PLCL2: variants seen among roughly 807,000 people sequenced by gnomAD.
The protein encoded by PLCL2 is phospholipase C like 2, also known as inactive phospholipase C-like protein 2.
PLCL2 carries 4 observed loss-of-function variants against 79.6 expected under a neutral mutation model. That is an observed-to-expected ratio of 0.05 (90% CI 0.02 to 0.11). The LOEUF is 0.11. PLCL2 is among the 10% of genes least tolerant of loss of function. PLCL2 has a pLI of 1.00. For missense variants in PLCL2, 895 were observed against 1,291.0 expected (o/e 0.69, Z 4.70); for synonymous variants, 484 against 457.7 (o/e 1.06, Z -0.73).
intron 1 of PLCL2, among the ~76,000 whole-genome samples, chr3:16,994,066 A>G (rs2064129067): frequency 6.6e-6 from 1 of 152,246 alleles, no homozygotes; most frequent in African/African-American, 2.4e-5. Context: ...GATTCATTGA[A>G]GCAGTTAAAT....
At chr3:17,060,540 G>T (rs972447275) in intron 4 of PLCL2, among the ~76,000 whole-genome samples, 1 of 152,156 alleles carries the variant, frequency 6.6e-6, no homozygotes, top group Non-Finnish European at 1.5e-5. Flanking sequence ...CAGGTAGGCC[G>T]CACACCCAAA....
chr3:17,024,181 G>C (rs2064486211), intron 3 of PLCL2, among the ~76,000 whole-genome samples: 1 of 152,156 alleles, frequency 6.6e-6, no homozygotes. Context: ...AAATTGCTCT[G>C]TTACCTTGAC....
At chr3:17,015,462 A>G (rs1393512170) in intron 3 of PLCL2, among the ~76,000 whole-genome samples, 1 of 152,196 alleles carries the variant, frequency 6.6e-6, no homozygotes, top group African/African-American at 2.4e-5. Context: ...ACATTTTTCT[A>G]CTTAAGATTT....
rs1256806816 is a variant in PLCL2 at position 17,009,323 on chromosome 3, T to C, written c.328-351T>C. ...TTTTTGTAGAGATGGGATCTCACTG[T>C]ATTACCCAGGTTGGTCTCAAACTCC... On this transcript the variant is annotated intron_variant, in intron 1 of 5. Coordinates refer to ENST00000615277, the MANE Select transcript of PLCL2 (RefSeq NM_001144382.2). The surrounding 1 kb of genome is among the most constrained non-coding windows in gnomAD (Gnocchi z 4.0). Among the ~76,000 whole-genome samples, 3 of 152,076 alleles carry C rather than the reference T, an allele frequency of 2.0e-5. No homozygotes were observed. The highest frequency in any genetic ancestry group is 4.8e-5 in the African/African-American group (2 of 41,400).
intron 4 of PLCL2, chr3:17,043,978 C>T (rs2064755499): frequency 6.6e-6 from 1 of 152,176 alleles, no homozygotes; most frequent in South Asian, 2.1e-4. Flanking sequence ...ACACAATCTA[C>T]AAATTATTAA....
intron 1 of PLCL2, among the ~76,000 whole-genome samples, chr3:16,967,340 A>C (rs1033732297): frequency 9.2e-5 from 14 of 152,092 alleles, no homozygotes; most frequent in African/African-American, 3.1e-4. Flanking sequence ...GAAAACGCCA[A>C]ACTGCTTTCC....
intron 1 of PLCL2, among the ~76,000 whole-genome samples, chr3:16,919,888 G>A (rs1241171193): frequency 6.6e-6 from 1 of 152,042 alleles, no homozygotes; most frequent in Non-Finnish European, 1.5e-5. Context: ...TGTAAGCTGT[G>A]GGGTCAGAAT....
intron 4 of PLCL2, among the ~76,000 whole-genome samples, chr3:17,059,979 C>T (rs543764551): frequency 1.3e-5 from 2 of 151,552 alleles, no homozygotes; most frequent in African/African-American, 2.4e-5. Flanking sequence ...GTGAAAGTGG[C>T]GATCCAAACA....
intron 3 of PLCL2, among the ~76,000 whole-genome samples, chr3:17,036,988 G>T (rs2064664709): frequency 6.6e-6 from 1 of 152,164 alleles, no homozygotes; most frequent in Non-Finnish European, 1.5e-5. Flanking sequence ...TAAAGGCCCT[G>T]CCTGTTAATA....
At chr3:16,984,600 A>G (rs1299545128) in intron 1 of PLCL2, among the ~76,000 whole-genome samples, 1 of 152,158 alleles carries the variant, frequency 6.6e-6, no homozygotes, top group Non-Finnish European at 1.5e-5. Context: ...GGATGTCACC[A>G]ATAGCAAAAA....
chr3:16,893,505 A>G (rs564046962), intron 1 of PLCL2, among the ~76,000 whole-genome samples: 50 of 152,346 alleles, frequency 3.3e-4, no homozygotes, highest in Non-Finnish European at 6.3e-4. Context: ...GAAACCAAGC[A>G]GCTGGGTTTA....
At chr3:16,960,663 T>C (rs2063746578) in intron 1 of PLCL2, among the ~76,000 whole-genome samples, 1 of 152,228 alleles carries the variant, frequency 6.6e-6, no homozygotes, top group Non-Finnish European at 1.5e-5. Flanking sequence ...TATCTCTGAA[T>C]CAACAACATC....
chr3:17,031,994 G>A (rs111272190), intron 3 of PLCL2, among the ~76,000 whole-genome samples: 1 of 127,640 alleles, frequency 7.8e-6, no homozygotes, highest in Admixed American at 9.2e-5. Context: ...GAAACTACAA[G>A]ATCAAATTCA....
At chr3:16,949,865 T>C (rs2063634973) in intron 1 of PLCL2, among the ~76,000 whole-genome samples, 2 of 152,214 alleles carry the variant, frequency 1.3e-5, no homozygotes, top group Non-Finnish European at 2.9e-5. Flanking sequence ...TTTTTGCAAA[T>C]GGACAGCCAG....
At position 16,885,280 on chromosome 3, in the gene PLCL2, C is replaced by T. The variant is rs1696189020; in HGVS notation, c.241C>T (p.Leu81Phe). 5 of 661,822 alleles carry T rather than the reference C, an allele frequency of 7.6e-6. No individual in the cohort carries two copies. The highest frequency in any genetic ancestry group is 1.4e-5 in the Non-Finnish European group (5 of 366,250). The allele number at this position is 661,822 out of a possible 1,614,324, so 41.0% of individuals were successfully genotyped here. The change falls in exon 1 of 6, where the codon CTC becomes TTC. Residue 81 changes from leucine to phenylalanine, a missense_variant. Transcript: ENST00000615277. ...SPTRGPRGVA[L>F]APTPSAVVCT... ...TACCAGGGGACCCCGCGGCGTTGCG[C>T]TCGCCCCGACCCCCAGCGCGGTCGT... is the stretch of plus-strand genomic sequence containing the variant.
chr3:17,013,436 A>G (rs1437728524), intron 2 of PLCL2, among the ~76,000 whole-genome samples: 1 of 152,180 alleles, frequency 6.6e-6, no homozygotes, highest in Non-Finnish European at 1.5e-5. Flanking sequence ...GGGGAAACAG[A>G]CAGGAGGCAG....
At chr3:16,930,994 T>G (rs1436769857) in intron 1 of PLCL2, among the ~76,000 whole-genome samples, 2 of 152,068 alleles carry the variant, frequency 1.3e-5, no homozygotes, top group African/African-American at 2.4e-5. Context: ...GGTAGTAGGG[T>G]AGGATCCATA....
At chr3:17,073,173 A>G (rs2065076871) in intron 5 of PLCL2, among the ~76,000 whole-genome samples, 1 of 152,232 alleles carries the variant, frequency 6.6e-6, no homozygotes, top group African/African-American at 2.4e-5. Context: ...AGTTTTGACA[A>G]GTGTATGTAC....
At position 17,009,445 on chromosome 3, in the gene PLCL2, A is replaced by G. The variant is rs1039677526; in HGVS notation, c.328-229A>G. Among the ~76,000 whole-genome samples the G allele has an allele frequency of 6.6e-6, 1 of 152,152 alleles. No homozygotes were observed. The highest frequency in any genetic ancestry group is 1.5e-5 in the Non-Finnish European group (1 of 68,024). ...CCTGAAATTGTTCTTCTTGATAAAT[A>G]TGAATTGCAATTATTCAATAATGAT... On this transcript the variant is annotated intron_variant, in intron 1 of 5. Coordinates refer to ENST00000615277, the MANE Select transcript of PLCL2 (RefSeq NM_001144382.2). The surrounding 1 kb of genome is among the most constrained non-coding windows in gnomAD (Gnocchi z 4.0).
Sources: allele counts gnomAD v4.1 joint callset (sites outside exome capture counted in the v4.1 genomes callset), GRCh38; gene constraint gnomAD v4.1.1; non-coding constraint Gnocchi (gnomAD v3.1); transcripts MANE v1.5; gene names NCBI Gene and HGNC (gene_info 2026-07-23, HGNC 2026-07-21).